Variants in CDCP1 observed in about 807,000 individuals in gnomAD.
The protein encoded by CDCP1 is CUB domain containing protein 1.
In CDCP1, 29 loss-of-function variants were observed where a neutral mutation model predicts 60.2. The ratio of observed to expected loss-of-function variants is 0.48; its 90% CI spans 0.36 to 0.66. The LOEUF (loss-of-function observed/expected upper bound fraction) is 0.66, where lower values mean the gene tolerates loss of function less well. Ranked by LOEUF, CDCP1 falls within the 30% of genes least tolerant of loss-of-function variation. The pLI is 0.00. For synonymous variants in CDCP1, 387 were observed against 431.1 expected (o/e 0.90, Z 1.27); for missense variants, 876 against 1,074.3 (o/e 0.82, Z 2.58).
chr3:45,112,287 G>T lies in CDCP1; in HGVS notation c.451C>A (p.Pro151Thr). 6.2e-7 allele frequency: 1 copy of T among 1,614,184 alleles called. No homozygotes were observed. The highest frequency in any genetic ancestry group is 8.5e-7 in the Non-Finnish European group (1 of 1,180,042). Residue 151 changes from proline to threonine, a missense_variant, in exon 3 of 9, where the codon CCG becomes ACG. Pro to Thr is a conservative substitution (Grantham distance 38, BLOSUM62 -1). Transcript: ENST00000296129. ...ACTCCGTCTGGGCAGCTCTCACCCG[G>T]ACCGATCTGCCTCAGGCGAGGGATG... ...FSIPRLRQIG[P>T]GESCPDGVTH... is the part of the protein sequence containing the mutation.
chr3:45,084,029 A>G lies in CDCP1; in HGVS notation c.*1609T>C, dbSNP rs760495554. 3 of 152,200 alleles carry G rather than the reference A, an allele frequency of 2.0e-5. No homozygotes were observed. Among genetic ancestry groups the G allele is most frequent in the African/African-American group, 7.2e-5 (3 of 41,436 alleles). The allele number at this position is 152,200 out of a possible 1,614,324, so 9.4% of individuals were successfully genotyped here. A position where few individuals can be genotyped will look rare whatever the true frequency, so the allele number is the denominator to read the frequency against. ...AATCCCAGTCTTTCTTTTTCATTACAATAAATGCAACCTGCAGGGGCATTG... is the reference window on the plus strand; with the variant it reads ...AATCCCAGTCTTTCTTTTTCATTACGATAAATGCAACCTGCAGGGGCATTG... On this transcript the variant is annotated 3_prime_UTR_variant, in exon 9 of 9. Coordinates refer to ENST00000296129, the MANE Select transcript of CDCP1 (RefSeq NM_022842.5).
In CDCP1 at chr3:45,112,195, G is replaced by A. The variant is rs764107799; in HGVS notation, c.543C>T (p.Gly181=). 19 of 1,614,088 alleles carry A rather than the reference G, an allele frequency of 1.2e-5. No homozygotes were observed. In the East Asian group the frequency reaches 4.0e-4, roughly 34 times the overall value. Residue 181 remains glycine (G), a synonymous_variant, in exon 3 of 9, where the codon GGC becomes GGT. Coordinates refer to ENST00000296129, the MANE Select transcript of CDCP1 (RefSeq NM_022842.5). Reference sequence around the variant, plus strand: ...CTTGCATCTTGATCCGGGACACAGTGCCATTGCTGCAGAAGGTTCCGATCC... The same window carrying A: ...CTTGCATCTTGATCCGGGACACAGTACCATTGCTGCAGAAGGTTCCGATCC... ...VVRIGTFCSN[G]TVSRIKMQEG...
At chr3:45,138,740 T>G (rs1699232986) in intron 1 of CDCP1, among the ~76,000 whole-genome samples, 1 of 151,976 alleles carries the variant, frequency 6.6e-6, no homozygotes, top group Admixed American at 6.6e-5. Flanking sequence ...TCCCAACTAC[T>G]CAGGAGGCTG....
chr3:45,111,159 T>C (rs756784119), intron 3 of CDCP1, among the ~76,000 whole-genome samples: 3 of 152,190 alleles, frequency 2.0e-5, no homozygotes, highest in Non-Finnish European at 4.4e-5. Context: ...TGACTGAATG[T>C]GGAGTTGGGC....
Position 45,083,000 on chromosome 3 carries a change from G to A in CDCP1, c.*2638C>T, listed in dbSNP as rs1027327876. On this transcript the variant is annotated 3_prime_UTR_variant, in exon 9 of 9. Coordinates refer to ENST00000296129, the MANE Select transcript of CDCP1 (RefSeq NM_022842.5). ...TTTGAGCCCTCAGTTGAAGGAAAAT[G>A]GCCACGTGGTGTCCTTGCAGGCAAC... The A allele has an allele frequency of 1.3e-5, 2 of 152,230 alleles. No homozygotes were observed. The highest frequency in any genetic ancestry group is 2.1e-4 in the South Asian group (1 of 4,830). 9.4% of individuals were successfully genotyped at this position (152,230 alleles called of 1,614,324 possible). A position where few individuals can be genotyped will look rare whatever the true frequency, so the allele number is the denominator to read the frequency against.
chr3:45,141,398 TTTTCATCACAC>T (rs1476756469), intron 1 of CDCP1, among the ~76,000 whole-genome samples: 1 of 152,228 alleles, frequency 6.6e-6, no homozygotes, highest in Non-Finnish European at 1.5e-5. Context: ...ATCTTCCTGT[TTTTCATCACAC>T]TTTCAGAAAC....
chr3:45,122,025 C>T (rs1698894990), intron 1 of CDCP1, among the ~76,000 whole-genome samples: 2 of 152,186 alleles, frequency 1.3e-5, no homozygotes, highest in East Asian at 3.9e-4. Context: ...GCTGATCTCA[C>T]CAAAATCTCT....
Position 45,108,245 on chromosome 3 carries a change from G to T in CDCP1, c.1024+2228C>A, listed in dbSNP as rs544709824. ...AGGTTCAGAGGATCAAGATGAAGCT[G>T]CCCAGAGATCAGAGTTCTCAGGCAG... On this transcript the variant is annotated intron_variant, in intron 4 of 8. Coordinates refer to ENST00000296129, the MANE Select transcript of CDCP1 (RefSeq NM_022842.5). Among the ~76,000 whole-genome samples the T allele has an allele frequency of 1.2e-4, 18 of 152,218 alleles. No homozygotes were observed. In the East Asian group the frequency reaches 3.3e-3, roughly 28 times the overall value.
chr3:45,113,426 A>G (rs1698733213), intron 2 of CDCP1, among the ~76,000 whole-genome samples: 1 of 152,216 alleles, frequency 6.6e-6, no homozygotes, highest in South Asian at 2.1e-4. Flanking sequence ...ACGAAACAGA[A>G]AGTAGGCAAT....
chr3:45,105,536 C>CA (rs1698548573), intron 4 of CDCP1, among the ~76,000 whole-genome samples: 1 of 152,102 alleles, frequency 6.6e-6, no homozygotes, highest in Non-Finnish European at 1.5e-5. Flanking sequence ...CATGATCACC[C>CA]AGAAGCCCAT....
chr3:45,108,295 C>T (rs1436499353), intron 4 of CDCP1, among the ~76,000 whole-genome samples: 1 of 152,072 alleles, frequency 6.6e-6, no homozygotes, highest in Non-Finnish European at 1.5e-5. Flanking sequence ...AATTTATCCC[C>T]AAAGATATTT....
intron 2 of CDCP1, 80 bp downstream of exon 2, chr3:45,118,332 A>T (rs1182528385): frequency 9.4e-7 from 1 of 1,064,716 alleles, no homozygotes; most frequent in African/African-American, 1.6e-5. Context: ...TTAGAGACTG[A>T]CTTAGCATGG....
At position 45,089,238 on chromosome 3, in the gene CDCP1, A is replaced by G. The variant is rs891833813; in HGVS notation, c.1994-97T>C. ...TCCAAAAGCAGCTGCCATCTCTCCAAAGGTGGAGCGCCATACATGTGGCTC... is the reference window on the plus strand; with the variant it reads ...TCCAAAAGCAGCTGCCATCTCTCCAGAGGTGGAGCGCCATACATGTGGCTC... On this transcript the variant is annotated intron_variant, in intron 7 of 8. Coordinates refer to ENST00000296129, the MANE Select transcript of CDCP1 (RefSeq NM_022842.5). 1.1e-5 allele frequency: 10 copies of G among 912,494 alleles called. No individual in the cohort carries two copies. The African/African-American group carries it at 1.6e-4, about 15-fold the overall frequency. The allele number at this position is 912,494 out of a possible 1,614,324, so 56.5% of individuals were successfully genotyped here. A position where few individuals can be genotyped will look rare whatever the true frequency, so the allele number is the denominator to read the frequency against.
intron 1 of CDCP1, among the ~76,000 whole-genome samples, chr3:45,124,014 T>C (rs1698931917): frequency 6.6e-6 from 1 of 152,146 alleles, no homozygotes; most frequent in South Asian, 2.1e-4. Context: ...CTCTCCTGCC[T>C]CCTGACCTCT....
intron 6 of CDCP1, among the ~76,000 whole-genome samples, chr3:45,092,239 C>A (rs1430143474): frequency 6.6e-6 from 1 of 152,188 alleles, no homozygotes; most frequent in African/African-American, 2.4e-5. Context: ...GCAAGTTTCC[C>A]AAACTGGTGG....
chr3:45,091,419 C>T lies in CDCP1; in HGVS notation c.1747G>A (p.Asp583Asn), dbSNP rs763579370. The T allele has an allele frequency of 2.5e-5, 41 of 1,613,670 alleles. No homozygotes were observed. Among genetic ancestry groups the T allele is most frequent in the Non-Finnish European group, 3.1e-5 (37 of 1,179,838 alleles). The change falls in exon 7 of 9, where the codon GAC becomes AAC. Residue 583 changes from aspartate (D) to asparagine (N), a missense_variant. By Grantham distance (23) the Asp-to-Asn change is conservative. Transcript: ENST00000296129. This position sits in a 1 kb window ranked among gnomAD's most constrained non-coding sequence, Gnocchi z 4.8. ...SVSWNISVPR[D>N]QVACLTFFKE... ...AAGAAAGTCAGGCAGGCCACCTGGT[C>T]TCTGGGCACGCTGATGTTCCAGGAC...
At position 45,086,052 on chromosome 3, in the gene CDCP1, GTTTGTCTTCTT is replaced by G. The variant is rs778028123; in HGVS notation, c.2086_2096del (p.Lys696GlnfsTer10). On this transcript the variant is annotated frameshift_variant, in exon 9 of 9. Coordinates refer to ENST00000296129, the MANE Select transcript of CDCP1 (RefSeq NM_022842.5). LOFTEE classifies it low-confidence loss of function (END_TRUNC). ...TGTAGATACCCACAGCGGGGCCCTT[GTTTGTCTTCTT>G]TTTCCTATTTGGAAAAATGGAACAA... is the stretch of plus-strand genomic sequence containing the variant. The G allele has an allele frequency of 3.1e-6, 5 of 1,613,422 alleles. No individual in the cohort carries two copies. The East Asian group carries it at 1.1e-4, about 36-fold the overall frequency.
intron 1 of CDCP1, among the ~76,000 whole-genome samples, chr3:45,134,473 G>C (rs902804916): frequency 6.6e-6 from 1 of 152,200 alleles, no homozygotes; most frequent in African/African-American, 2.4e-5. Flanking sequence ...TGATCACTCA[G>C]GGGACTTGAC....
intron 8 of CDCP1, 87 bp from the exon 9 acceptor site, chr3:45,086,154 T>A (rs1291481716): frequency 1.7e-6 from 2 of 1,160,956 alleles, no homozygotes; most frequent in East Asian, 4.7e-5. Context: ...AGAGCTTGGA[T>A]TCTTTAGGGT....
Sources: gnomAD v4.1 joint callset for allele counts (sites outside exome capture counted in the v4.1 genomes callset) on GRCh38, gnomAD v4.1.1 for gene constraint, Gnocchi (gnomAD v3.1) non-coding constraint, MANE v1.5 for transcripts, NCBI Gene and HGNC (gene_info 2026-07-23, HGNC 2026-07-21) for gene names.